The following FBXO16 variants were observed in gnomAD, a reference collection of about 807,000 sequenced individuals.
FBXO16 encodes the protein F-box protein 16, also known as F-box only protein 16.
A neutral mutation model predicts 41.0 loss-of-function variants in FBXO16; 31 were observed. The ratio of observed to expected loss-of-function variants is 0.76; its 90% CI spans 0.57 to 1.02. FBXO16 has a LOEUF of 1.02. FBXO16 is among the 50% of genes least tolerant of loss of function. The pLI is 0.00. For synonymous variants in FBXO16, 133 were observed against 117.8 expected (o/e 1.13, Z -0.84); for missense variants, 361 against 346.2 (o/e 1.04, Z -0.34).
chr8:28,469,990 G>C (rs112413908), intron 3 of FBXO16, among the ~76,000 whole-genome samples: 3,248 of 151,528 alleles, frequency 0.021, 42 homozygotes, highest in African/African-American at 0.036. Context: ...GGACCACGAG[G>C]TCAGGAGATC....
chr8:28,440,614 A>G (rs1160513027), intron 7 of FBXO16, among the ~76,000 whole-genome samples: 2 of 152,202 alleles, frequency 1.3e-5, no homozygotes, highest in Non-Finnish European at 2.9e-5. Context: ...TTGAAGAAGC[A>G]CTTTAAAAAA....
chr8:28,452,384 C>A lies in FBXO16; in HGVS notation c.600G>T (p.Arg200=). The part of the protein sequence containing the change: ...EEKQSPLSAF[R]SSSSLRKKNN... ...TCTTCTTTCTTAAAGAGGAAGAGGA[C>A]CGAAAAGCTGATAAAGGGGACTGTT... Residue 200 remains arginine, a synonymous_variant, in exon 6 of 9, where the codon CGG becomes CGT. Transcript: ENST00000380254. 1 of 1,614,130 alleles carries A rather than the reference C, an allele frequency of 6.2e-7. No homozygotes were observed. Among genetic ancestry groups the A allele is most frequent in the South Asian group, 1.1e-5 (1 of 91,086 alleles).
chr8:28,457,051 T>A, intron 4 of FBXO16, 121 bp from the exon 5 acceptor site: 1 of 1,028,268 alleles, frequency 9.7e-7, no homozygotes, highest in Non-Finnish European at 1.4e-6. Flanking sequence ...GTCCTTTGCC[T>A]CCAAACCATA....
At chr8:28,464,613 T>C (rs1440052979) in intron 3 of FBXO16, among the ~76,000 whole-genome samples, 2 of 152,248 alleles carry the variant, frequency 1.3e-5, no homozygotes, top group Non-Finnish European at 2.9e-5. Context: ...TGTATTTTTG[T>C]ATATTATTGC....
chr8:28,474,954 C>T (rs564715769), intron 2 of FBXO16, among the ~76,000 whole-genome samples: 1 of 152,246 alleles, frequency 6.6e-6, no homozygotes, highest in Non-Finnish European at 1.5e-5. Context: ...GAAAGGAAGA[C>T]TAACGTGGGG....
chr8:28,483,839 C>CA lies in FBXO16; in HGVS notation c.-16-378dup, dbSNP rs201009149. Among the ~76,000 whole-genome samples the CA allele has an allele frequency of 7.6e-4, 115 of 151,402 alleles. 1 individual carries two copies. Among genetic ancestry groups the CA allele is most frequent in the African/African-American group, 2.5e-3 (105 of 41,266 alleles). ...TGGGCAGCAGAGCGAGACTCCACCTCAAAAAAAACAATACTAATACCATAT... is the reference window on the plus strand; with the variant it reads ...TGGGCAGCAGAGCGAGACTCCACCTCAAAAAAAAACAATACTAATACCATAT... On this transcript the variant is annotated intron_variant, in intron 1 of 8. Transcript: ENST00000380254.
intron 7 of FBXO16, among the ~76,000 whole-genome samples, chr8:28,438,231 A>C (rs778814296): frequency 6.6e-6 from 1 of 152,026 alleles, no homozygotes; most frequent in Non-Finnish European, 1.5e-5. Context: ...CATGAGAATT[A>C]CTTGAACCTG....
chr8:28,437,903 C>T (rs1802709429), intron 7 of FBXO16, among the ~76,000 whole-genome samples: 1 of 151,922 alleles, frequency 6.6e-6, no homozygotes, highest in Non-Finnish European at 1.5e-5. Flanking sequence ...ACAAGAAACA[C>T]CACAATGATG....
rs1159284757 is a variant in FBXO16 at position 28,428,477 on chromosome 8, A to C, written c.*250T>G. 1 of 1,324,292 alleles carries C rather than the reference A, an allele frequency of 7.6e-7. No homozygotes were observed. The highest frequency in any genetic ancestry group is 1.0e-6 in the Non-Finnish European group (1 of 991,558). 82.0% of individuals were successfully genotyped at this position (1,324,292 alleles called of 1,614,324 possible). On this transcript the variant is annotated 3_prime_UTR_variant, in exon 9 of 9. Coordinates refer to ENST00000380254, the MANE Select transcript of FBXO16 (RefSeq NM_172366.4). ...TACCACAATAAGTACTTAAGCTGAAAGAGTTTCTAATGGGAGCCAAGTAAA... is the reference window on the plus strand; with the variant it reads ...TACCACAATAAGTACTTAAGCTGAACGAGTTTCTAATGGGAGCCAAGTAAA...
intron 7 of FBXO16, among the ~76,000 whole-genome samples, chr8:28,437,350 C>T (rs1027323627): frequency 6.6e-5 from 10 of 152,186 alleles, no homozygotes; most frequent in African/African-American, 2.4e-4. Context: ...CAAGTAAACT[C>T]GGCTCTCTTC....
In FBXO16 at chr8:28,486,776, G is replaced by A. The variant is rs576844612; in HGVS notation, c.-16-3314C>T. ...AATCGTTTGGGCCCAGGAGGTTGAGGCTGCGGTAAGCTGTGATTGCACCAC... is the reference window on the plus strand; with the variant it reads ...AATCGTTTGGGCCCAGGAGGTTGAGACTGCGGTAAGCTGTGATTGCACCAC... On this transcript the variant is annotated intron_variant, in intron 1 of 8. Transcript: ENST00000380254. Among the ~76,000 whole-genome samples, 276 of 152,084 alleles carry A rather than the reference G, an allele frequency of 1.8e-3. 3 individuals are homozygous for A. The highest frequency in any genetic ancestry group is 6.5e-3 in the African/African-American group (269 of 41,506).
intron 6 of FBXO16, 43 bp downstream of exon 6, chr8:28,452,201 T>G: frequency 6.4e-7 from 1 of 1,552,456 alleles, no homozygotes; most frequent in Non-Finnish European, 8.8e-7. Context: ...CAATAAATTA[T>G]TTCTAAAAAC....
At chr8:28,466,628 T>TA (rs59386196) in intron 3 of FBXO16, among the ~76,000 whole-genome samples, 239 of 138,678 alleles carry the variant, frequency 1.7e-3, no homozygotes, top group East Asian at 7.2e-3. Flanking sequence ...CATCTCTACT[T>TA]AAAAAAAAAA....
chr8:28,461,556 CT>C (rs56111911), intron 4 of FBXO16, among the ~76,000 whole-genome samples: 7 of 148,042 alleles, frequency 4.7e-5, no homozygotes, highest in African/African-American at 1.2e-4. Context: ...GGTTGTTGGT[CT>C]TTTTTTTTTC....
intron 4 of FBXO16, among the ~76,000 whole-genome samples, chr8:28,457,536 A>G (rs573554557): frequency 1.3e-5 from 2 of 152,318 alleles, no homozygotes; most frequent in Admixed American, 1.3e-4. Flanking sequence ...GGTGGCAGGC[A>G]AGAGAGAATG....
At chr8:28,474,315 T>TA (rs1803384318) in intron 2 of FBXO16, among the ~76,000 whole-genome samples, 1 of 9,760 alleles carries the variant, frequency 1.0e-4, no homozygotes, top group Non-Finnish European at 2.2e-4. Context: ...CCAGACCCTG[T>TA]CAAAAAAAAA....
chr8:28,484,472 G>A (rs1803568616), intron 1 of FBXO16, among the ~76,000 whole-genome samples: 1 of 152,198 alleles, frequency 6.6e-6, no homozygotes, highest in Non-Finnish European at 1.5e-5. Flanking sequence ...TCATTGTTTA[G>A]AGCCTGATGG....
intron 7 of FBXO16, among the ~76,000 whole-genome samples, chr8:28,440,796 C>A (rs1056421473): frequency 2.0e-5 from 3 of 152,278 alleles, no homozygotes; most frequent in Middle Eastern, 3.4e-3. Flanking sequence ...AAACGGCAGG[C>A]TTTTTGAAAT....
chr8:28,454,747 AAAAAGG>A (rs779870711), intron 5 of FBXO16, among the ~76,000 whole-genome samples: 47,751 of 130,158 alleles, frequency 0.37, 11,014 homozygotes, highest in East Asian at 0.55. Flanking sequence ...AAAAAAAAAA[AAAAAGG>A]ATCATTAATT....
Sources: gnomAD v4.1 joint callset for allele counts (sites outside exome capture counted in the v4.1 genomes callset) on GRCh38, gnomAD v4.1.1 for gene constraint, MANE v1.5 for transcripts, NCBI Gene and HGNC (gene_info 2026-07-23, HGNC 2026-07-21) for gene names.